Variants in SOS1 observed in about 807,000 individuals in gnomAD.
The protein encoded by SOS1 is son of sevenless homolog 1.
In SOS1, 25 loss-of-function variants were observed where a neutral mutation model predicts 157.6. The observed-to-expected ratio is 0.16, with a 90% confidence interval of 0.12 to 0.22. The LOEUF (loss-of-function observed/expected upper bound fraction) is 0.22. Ranked by LOEUF, SOS1 falls within the 10% of genes least tolerant of loss-of-function variation. SOS1 has a pLI of 1.00. For synonymous variants in SOS1, 528 were observed against 534.0 expected (o/e 0.99, Z 0.16); for missense variants, 1,237 against 1,599.1 (o/e 0.77, Z 3.86).
chr2:39,098,672 G>A (rs1382023501), intron 1 of SOS1, among the ~76,000 whole-genome samples: 2 of 152,158 alleles, frequency 1.3e-5, no homozygotes, highest in African/African-American at 4.8e-5. Flanking sequence ...GGCAGATCAC[G>A]AAGTTAGGAG....
At chr2:39,060,530 A>C (rs918968926) in intron 2 of SOS1, among the ~76,000 whole-genome samples, 1 of 152,136 alleles carries the variant, frequency 6.6e-6, no homozygotes. Context: ...GGTTCAAGTG[A>C]TTCTCCCACC....
intron 15 of SOS1, among the ~76,000 whole-genome samples, chr2:39,009,867 A>G (rs914210440): frequency 6.6e-6 from 1 of 152,228 alleles, no homozygotes. Flanking sequence ...CAACCAGGCA[A>G]CCACTAAAAG....
At chr2:39,058,515 T>C (rs1029047436) in intron 3 of SOS1, among the ~76,000 whole-genome samples, 158 bp downstream of exon 3, 2 of 152,112 alleles carry the variant, frequency 1.3e-5, no homozygotes, top group South Asian at 4.1e-4. Context: ...CTTATTATCA[T>C]AGCATCCCTT....
At position 38,997,017 on chromosome 2, in the gene SOS1, G is replaced by C; in HGVS notation, c.2986C>G (p.Pro996Ala). 6.3e-7 allele frequency: 1 copy of C among 1,590,716 alleles called. No homozygotes were observed. Among genetic ancestry groups the C allele is most frequent in the Non-Finnish European group, 8.6e-7 (1 of 1,160,170 alleles). The part of the protein sequence containing the change: ...DIKRFFENLN[P>A]MGNSMEKEFT... ...TCCTTCTCCATGCTATTTCCCATCG[G>C]ATTCAAGTTTTCAAAGAACCTCTAA... The change falls in exon 19 of 23, where the codon CCG becomes GCG. Residue 996 changes from proline to alanine, a missense_variant. Coordinates refer to ENST00000402219, the MANE Select transcript of SOS1 (RefSeq NM_005633.4).
intron 1 of SOS1, among the ~76,000 whole-genome samples, chr2:39,119,151 A>C (rs1168567744): frequency 6.6e-6 from 1 of 152,244 alleles, no homozygotes; most frequent in Non-Finnish European, 1.5e-5. Context: ...GAGAGCCTGA[A>C]GGGATTTCTA....
At chr2:39,044,864 G>GCACGCACA (rs1670703501) in intron 6 of SOS1, among the ~76,000 whole-genome samples, 1 of 147,660 alleles carries the variant, frequency 6.8e-6, no homozygotes, top group Admixed American at 6.7e-5. Flanking sequence ...GCGCGCGCGC[G>GCACGCACA]CACACACACA....
chr2:38,984,172 T>C lies in SOS1; in HGVS notation c.*1652A>G, dbSNP rs183111109. 1.3e-5 allele frequency: 2 copies of C among 151,986 alleles called. No individual in the cohort carries two copies. The highest frequency in any genetic ancestry group is 4.8e-5 in the African/African-American group (2 of 41,446). 9.4% of individuals were successfully genotyped at this position (151,986 alleles called of 1,614,324 possible). On this transcript the variant is annotated 3_prime_UTR_variant, in exon 23 of 23. Coordinates refer to ENST00000402219, the MANE Select transcript of SOS1 (RefSeq NM_005633.4). ...TGTGGTTAACAGAATTGCTGAAATG[T>C]TGCTTCATTATTCAGAGGATACATG... is the stretch of plus-strand genomic sequence containing the variant.
intron 1 of SOS1, among the ~76,000 whole-genome samples, chr2:39,071,655 T>A (rs1402899418): frequency 6.6e-6 from 1 of 152,224 alleles, no homozygotes; most frequent in African/African-American, 2.4e-5. Flanking sequence ...GTCTAGACAT[T>A]CGAAAAGATG....
intron 14 of SOS1, among the ~76,000 whole-genome samples, chr2:39,011,275 T>G (rs867135125): frequency 2.6e-5 from 4 of 152,202 alleles, no homozygotes; most frequent in South Asian, 2.1e-4. Flanking sequence ...GCATTTTGCT[T>G]TGGGCAAGGT....
rs1553371510 is a variant in SOS1 at position 39,110,039 on chromosome 2, C to CGCGT, written c.87+10296_87+10297insACGC. Among the ~76,000 whole-genome samples the CGCGT allele has an allele frequency of 6.5e-4, 88 of 135,514 alleles. 1 individual carries two copies. Among genetic ancestry groups the CGCGT allele is most frequent in the African/African-American group, 2.5e-3 (86 of 34,852 alleles). The allele number at this position is 135,514 out of a possible 152,430, so 88.9% of individuals were successfully genotyped here. A position where few individuals can be genotyped will look rare whatever the true frequency, so the allele number is the denominator to read the frequency against. On this transcript the variant is annotated intron_variant, in intron 1 of 22. Transcript: ENST00000402219. ...ATACAGATACAGTTGTGTGTGTGTG[C>CGCGT]GTGTGTGTGTGTGTGTGTGTGTGTG... is the stretch of plus-strand genomic sequence containing the variant.
At chr2:39,001,153 G>A (rs1403194238) in intron 17 of SOS1, among the ~76,000 whole-genome samples, 1 of 152,162 alleles carries the variant, frequency 6.6e-6, no homozygotes, top group Non-Finnish European at 1.5e-5. Flanking sequence ...CTGCCTCCTG[G>A]CAGGTTCAAG....
intron 8 of SOS1, among the ~76,000 whole-genome samples, chr2:39,033,908 T>C (rs914578261): frequency 1.3e-5 from 2 of 151,880 alleles, no homozygotes; most frequent in African/African-American, 4.8e-5. Flanking sequence ...CTGAATTTCA[T>C]TACAGGCTCA....
At chr2:39,048,318 A>T (rs768838396) in intron 6 of SOS1, among the ~76,000 whole-genome samples, 24 of 152,200 alleles carry the variant, frequency 1.6e-4, no homozygotes, top group Non-Finnish European at 3.4e-4. Context: ...CTGACTGTTA[A>T]CCTCTGTTGT....
chr2:39,045,997 C>A (rs1339924901), intron 6 of SOS1, among the ~76,000 whole-genome samples: 1 of 152,204 alleles, frequency 6.6e-6, no homozygotes, highest in Non-Finnish European at 1.5e-5. Flanking sequence ...CAGGCATGAG[C>A]CATTGCGCCA....
At chr2:39,019,721 A>G (rs1454226) in intron 10 of SOS1, among the ~76,000 whole-genome samples, 141,389 of 151,466 alleles carry the variant, frequency 0.93, 66,109 homozygotes, top group African/African-American at 0.97. Flanking sequence ...ATAGACTAAT[A>G]ATTGGGTTTT....
At chr2:39,109,375 C>T (rs1348905560) in intron 1 of SOS1, among the ~76,000 whole-genome samples, 1 of 152,084 alleles carries the variant, frequency 6.6e-6, no homozygotes, top group Non-Finnish European at 1.5e-5. Context: ...TTTTAAAATT[C>T]TACCTTTTTT....
At chr2:39,052,054 A>G (rs944363269) in intron 5 of SOS1, among the ~76,000 whole-genome samples, 2 of 152,194 alleles carry the variant, frequency 1.3e-5, no homozygotes, top group Non-Finnish European at 2.9e-5. Flanking sequence ...AATACCCAGT[A>G]AAGTCACTCT....
intron 1 of SOS1, among the ~76,000 whole-genome samples, chr2:39,074,460 C>T (rs748506828): frequency 1.3e-5 from 2 of 151,564 alleles, no homozygotes; most frequent in African/African-American, 4.9e-5. Flanking sequence ...CCTGTAGTCC[C>T]AACTGAGGCA....
chr2:39,039,303 T>A (rs761986792), intron 6 of SOS1, among the ~76,000 whole-genome samples: 7 of 152,234 alleles, frequency 4.6e-5, no homozygotes, highest in Admixed American at 1.3e-4. Flanking sequence ...TATGCCTGTA[T>A]AACTTAGTGT....
Sources: gnomAD v4.1 joint callset for allele counts (sites outside exome capture counted in the v4.1 genomes callset) on GRCh38, gnomAD v4.1.1 for gene constraint, MANE v1.5 for transcripts, NCBI Gene and HGNC (gene_info 2026-07-23, HGNC 2026-07-21) for gene names.